EYS: variants seen among roughly 807,000 people sequenced by gnomAD.
EYS encodes the protein EGF-like photoreceptor maintenance factor.
EYS carries 250 observed loss-of-function variants against 282.1 expected under a neutral mutation model. That is an observed-to-expected ratio of 0.89 (90% CI 0.80 to 0.98). The LOEUF is 0.98. EYS is among the 50% of genes least tolerant of loss of function. The pLI, the probability that EYS is intolerant of heterozygous loss-of-function variation, is 0.00. For missense variants in EYS, 4,016 were observed against 3,709.0 expected (o/e 1.08, Z -2.15); for synonymous variants, 1,355 against 1,282.9 (o/e 1.06, Z -1.20).
chr6:64,688,583 G>C (rs1223043815), intron 22 of EYS, among the ~76,000 whole-genome samples: 2 of 152,158 alleles, frequency 1.3e-5, no homozygotes, highest in Non-Finnish European at 2.9e-5. Context: ...ACTGTGGTCT[G>C]AGAGACAGTT....
intron 2 of EYS, among the ~76,000 whole-genome samples, chr6:65,520,749 A>G (rs1767334724): frequency 2.0e-5 from 3 of 151,938 alleles, no homozygotes; most frequent in African/African-American, 7.2e-5. Context: ...TGTCTATCCT[A>G]TTTACAGGGT....
At position 63,877,761 on chromosome 6, in the gene EYS, C is replaced by T. The variant is rs570348823; in HGVS notation, c.7056-13403G>A. Among the ~76,000 whole-genome samples, 162 of 152,288 alleles carry T rather than the reference C, an allele frequency of 1.1e-3. 2 individuals are homozygous for T. In the Middle Eastern group the frequency reaches 0.027, roughly 26 times the overall value. On this transcript the variant is annotated intron_variant, in intron 35 of 42. Coordinates refer to ENST00000503581, the MANE Select transcript of EYS (RefSeq NM_001142800.2). ...TACCCTTTCTTCCACTTGATCAAAT[C>T]GGCTACTGAAGCTTGTGCATGCATC...
chr6:64,502,221 G>GTT (rs10710004), intron 26 of EYS, among the ~76,000 whole-genome samples: 1 of 149,900 alleles, frequency 6.7e-6, no homozygotes, highest in African/African-American at 2.4e-5. Flanking sequence ...CAGCAGGCTG[G>GTT]TTTTTTTTTT....
chr6:65,065,962 G>T (rs899787078), intron 12 of EYS, among the ~76,000 whole-genome samples: 6 of 152,072 alleles, frequency 3.9e-5, no homozygotes, highest in Admixed American at 2.6e-4. Context: ...ACAACTGAAT[G>T]GCCCTCCTGC....
Position 64,214,761 on chromosome 6 carries a change from A to G in EYS, c.6424+15831T>C, listed in dbSNP as rs190800772. Among the ~76,000 whole-genome samples the G allele has an allele frequency of 6.0e-3, 907 of 152,178 alleles. 11 individuals are homozygous for G. Among genetic ancestry groups the G allele is most frequent in the African/African-American group, 0.02 (848 of 41,566 alleles). On this transcript the variant is annotated intron_variant, in intron 31 of 42. Coordinates refer to ENST00000503581, the MANE Select transcript of EYS (RefSeq NM_001142800.2). ...GAGTATATGTGGCTAGAACATATTT[A>G]TGGAATTCACATTTATGTTATGGAA...
At chr6:65,400,944 G>T (rs1229681347) in intron 7 of EYS, among the ~76,000 whole-genome samples, 2 of 151,970 alleles carry the variant, frequency 1.3e-5, no homozygotes, top group African/African-American at 4.8e-5. Context: ...TTGACTAATA[G>T]TTCTCAAAGT....
intron 22 of EYS, among the ~76,000 whole-genome samples, chr6:64,658,829 C>T (rs149910002): frequency 2.1e-4 from 32 of 152,278 alleles, no homozygotes; most frequent in East Asian, 1.4e-3. Flanking sequence ...GACAGATCAA[C>T]GAGACAGAAA....
chr6:65,468,313 C>T (rs1765082221), intron 5 of EYS, among the ~76,000 whole-genome samples: 1 of 151,940 alleles, frequency 6.6e-6, no homozygotes, highest in African/African-American at 2.4e-5. Context: ...CTTTTTGGGG[C>T]AAGAATAGGG....
At chr6:63,824,476 T>C (rs1771404621) in intron 36 of EYS, among the ~76,000 whole-genome samples, 1 of 152,234 alleles carries the variant, frequency 6.6e-6, no homozygotes, top group Admixed American at 6.5e-5. Flanking sequence ...TAAATGTTAC[T>C]GCAAGAACAA....
chr6:64,543,899 G>A (rs2149800634), intron 26 of EYS, among the ~76,000 whole-genome samples: 1 of 151,926 alleles, frequency 6.6e-6, no homozygotes, highest in African/African-American at 2.4e-5. Context: ...GAAACTTGTA[G>A]GTTTAGTATT....
chr6:64,198,094 G>A (rs1160423005), intron 31 of EYS, among the ~76,000 whole-genome samples: 4 of 151,812 alleles, frequency 2.6e-5, no homozygotes, highest in East Asian at 1.9e-4. Context: ...CCGGGTTCAC[G>A]CCATTCTCCT....
At chr6:65,555,443 T>C (rs1768762787) in intron 2 of EYS, among the ~76,000 whole-genome samples, 1 of 152,132 alleles carries the variant, frequency 6.6e-6, no homozygotes, top group Non-Finnish European at 1.5e-5. Context: ...TTTTTCACTA[T>C]ATATTAGTTC....
At position 64,536,800 on chromosome 6, in the gene EYS, A is replaced by T. The variant is rs572574319; in HGVS notation, c.5644+53423T>A. On this transcript the variant is annotated intron_variant, in intron 26 of 42. Coordinates refer to ENST00000503581, the MANE Select transcript of EYS (RefSeq NM_001142800.2). ...AGTTGAAGACCTGTACTTATTAACA[A>T]AATATATATATATAAAATTATATTT... is the stretch of plus-strand genomic sequence containing the variant. Among the ~76,000 whole-genome samples the T allele has an allele frequency of 9.4e-4, 142 of 151,114 alleles. 4 individuals are homozygous for T. In the South Asian group the frequency reaches 0.029, roughly 30 times the overall value.
intron 12 of EYS, among the ~76,000 whole-genome samples, chr6:65,188,439 A>AT (rs1765563327): frequency 6.6e-6 from 1 of 151,674 alleles, no homozygotes; most frequent in Admixed American, 6.6e-5. Flanking sequence ...TTCTATTAAA[A>AT]ATATATGCTT....
At chr6:64,911,882 A>G (rs1191440834) in intron 16 of EYS, among the ~76,000 whole-genome samples, 1 of 152,156 alleles carries the variant, frequency 6.6e-6, no homozygotes, top group East Asian at 1.9e-4. Context: ...TAATGATATA[A>G]GCAGAGTTAT....
At chr6:64,979,449 A>G (rs1211940079) in intron 14 of EYS, among the ~76,000 whole-genome samples, 3 of 151,694 alleles carry the variant, frequency 2.0e-5, no homozygotes, top group African/African-American at 7.3e-5. Flanking sequence ...TGGGAAAAAA[A>G]GAGGAATCAT....
At chr6:64,992,665 A>G (rs1273494202) in intron 14 of EYS, among the ~76,000 whole-genome samples, 1 of 151,976 alleles carries the variant, frequency 6.6e-6, no homozygotes, top group East Asian at 1.9e-4. Context: ...CTTTAGGCAT[A>G]TTCAGATGGC....
At chr6:63,863,663 C>CTTTT (rs1436358110) in intron 36 of EYS, among the ~76,000 whole-genome samples, 1 of 55,792 alleles carries the variant, frequency 1.8e-5, no homozygotes. Context: ...CTTTTCTTTT[C>CTTTT]TTTTCTTTTT....
At chr6:65,519,709 T>TATATATATATATA (rs1554205853) in intron 2 of EYS, among the ~76,000 whole-genome samples, 17 of 33,924 alleles carry the variant, frequency 5.0e-4, no homozygotes, top group Non-Finnish European at 5.6e-4. Context: ...TATATATATA[T>TATATATATATATA]TTTTTTTTTT....
Sources: allele counts gnomAD v4.1 joint callset (sites outside exome capture counted in the v4.1 genomes callset), GRCh38; gene constraint gnomAD v4.1.1; transcripts MANE v1.5; gene names NCBI Gene and HGNC (gene_info 2026-07-23, HGNC 2026-07-21).